THSD7B: variants seen among roughly 807,000 people sequenced by gnomAD.
THSD7B encodes thrombospondin type 1 domain containing 7B, also known as thrombospondin type-1 domain-containing protein 7B.
In THSD7B, 138 loss-of-function variants were observed where a neutral mutation model predicts 213.6. That is an observed-to-expected ratio of 0.65 (90% CI 0.56 to 0.74). The LOEUF (loss-of-function observed/expected upper bound fraction) is 0.74, where lower values mean the gene tolerates loss of function less well. THSD7B is among the 30% of genes least tolerant of loss of function. The pLI, the probability that THSD7B is intolerant of heterozygous loss-of-function variation, is 0.00. For missense variants in THSD7B, 1,931 were observed against 1,991.5 expected, an observed-to-expected ratio of 0.97 and a Z score of 0.58; for synonymous variants, 742 against 687.0, an observed-to-expected ratio of 1.08 and a Z score of -1.25.
intron 15 of THSD7B, among the ~76,000 whole-genome samples, chr2:137,455,675 T>C (rs562122818): frequency 2.4e-4 from 36 of 152,348 alleles, no homozygotes; most frequent in African/African-American, 8.7e-4. Context: ...AAAGCTCTTA[T>C]CAAGGCATAA....
At chr2:136,766,523 T>C (rs1189878476) in intron 1 of THSD7B, among the ~76,000 whole-genome samples, 1 of 145,952 alleles carries the variant, frequency 6.9e-6, no homozygotes, top group Non-Finnish European at 1.6e-5. Context: ...TGAACCCCGC[T>C]CTTTGGTGAC....
chr2:136,782,305 C>T (rs905864417), intron 1 of THSD7B, among the ~76,000 whole-genome samples: 1 of 152,144 alleles, frequency 6.6e-6, no homozygotes, highest in Admixed American at 6.5e-5. Context: ...GGTTCTAGGT[C>T]TCTCTTGGTG....
In THSD7B at chr2:136,807,508, C is replaced by CTTTTTTTTTT. The variant is rs1314267493; in HGVS notation, c.-36+41821_-36+41822insTTTTTTTTTT. ...TACTTCCTAGCACTACAAAATGTTTCGTTTTTTTTTTTTTTTTGAGACGGA... is the reference window on the plus strand; with the variant it reads ...TACTTCCTAGCACTACAAAATGTTTCTTTTTTTTTTGTTTTTTTTTTTTTTTTGAGACGGA... On this transcript the variant is annotated intron_variant, in intron 1 of 27. Transcript: ENST00000409968. Among the ~76,000 whole-genome samples, 79 of 49,546 alleles carry CTTTTTTTTTT rather than the reference C, an allele frequency of 1.6e-3. 3 individuals carry two copies. Among genetic ancestry groups the CTTTTTTTTTT allele is most frequent in the African/African-American group, 3.7e-3 (44 of 11,886 alleles). 32.5% of individuals were successfully genotyped at this position (49,546 alleles called of 152,430 possible). A position where few individuals can be genotyped will look rare whatever the true frequency, so the allele number is the denominator to read the frequency against.
intron 20 of THSD7B, among the ~76,000 whole-genome samples, chr2:137,636,026 A>AT (rs1270349363): frequency 1.3e-5 from 2 of 152,036 alleles, no homozygotes; most frequent in Admixed American, 6.5e-5. Context: ...TTTATACAGT[A>AT]TTTTTTATTT....
At chr2:137,511,374 T>C (rs959663652) in intron 15 of THSD7B, among the ~76,000 whole-genome samples, 1 of 152,218 alleles carries the variant, frequency 6.6e-6, no homozygotes, top group African/African-American at 2.4e-5. Context: ...AGTAATTTTG[T>C]GAGAAACTAG....
At chr2:137,296,960 A>G (rs1014204290) in intron 12 of THSD7B, among the ~76,000 whole-genome samples, 3 of 152,012 alleles carry the variant, frequency 2.0e-5, no homozygotes, top group Non-Finnish European at 4.4e-5. Context: ...AAGAGATTCA[A>G]ATATGTGGTT....
In THSD7B at chr2:136,873,910, C is replaced by T. The variant is rs374424705; in HGVS notation, c.-35-8234C>T. ...ATGATGTAAACAGAATGGGTTGTGG[C>T]GTCAGGACTGTTTTGTGACCCAGCT... On this transcript the variant is annotated intron_variant, in intron 1 of 27. Coordinates refer to ENST00000409968, the MANE Select transcript of THSD7B (RefSeq NM_001316349.2). Among the ~76,000 whole-genome samples the T allele has an allele frequency of 6.1e-3, 925 of 152,196 alleles. 2 individuals are homozygous for T. Among genetic ancestry groups the T allele is most frequent in the Non-Finnish European group, 0.01 (709 of 68,026 alleles).
chr2:137,159,610 GCT>G (rs1679975619), intron 5 of THSD7B, among the ~76,000 whole-genome samples: 1 of 152,144 alleles, frequency 6.6e-6, no homozygotes, highest in Non-Finnish European at 1.5e-5. Flanking sequence ...AGAGACAGAA[GCT>G]ACTAGTCATT....
intron 2 of THSD7B, among the ~76,000 whole-genome samples, chr2:136,975,612 G>C (rs1685468296): frequency 6.6e-6 from 1 of 152,140 alleles, no homozygotes; most frequent in South Asian, 2.1e-4. Flanking sequence ...TTTGAAGTCA[G>C]GTAGTTTGAT....
intron 19 of THSD7B, among the ~76,000 whole-genome samples, chr2:137,620,100 C>T (rs1682489150): frequency 2.0e-5 from 3 of 152,186 alleles, no homozygotes; most frequent in African/African-American, 4.8e-5. Context: ...AAAAAATAAA[C>T]GGTATCATCA....
intron 5 of THSD7B, among the ~76,000 whole-genome samples, chr2:137,136,118 CAG>C (rs1342521453): frequency 2.0e-5 from 3 of 152,008 alleles, no homozygotes; most frequent in South Asian, 2.1e-4. Context: ...CACATGGACA[CAG>C]GGGAACATCA....
chr2:136,925,445 C>T (rs1250238302), intron 2 of THSD7B, among the ~76,000 whole-genome samples: 1 of 151,956 alleles, frequency 6.6e-6, no homozygotes, highest in African/African-American at 2.4e-5. Flanking sequence ...AATTTTTGTC[C>T]TTCATTTTGT....
chr2:137,575,742 A>ATATATATATATATATATAAATATATATT (rs1235744133), intron 17 of THSD7B, among the ~76,000 whole-genome samples: 1 of 147,328 alleles, frequency 6.8e-6, no homozygotes, highest in South Asian at 2.2e-4. Flanking sequence ...ATATATATAT[A>ATATATATATATATATATAAATATATATT]TTTTTACTTT....
intron 2 of THSD7B, among the ~76,000 whole-genome samples, chr2:136,888,592 G>A (rs570547298): frequency 6.6e-6 from 1 of 152,028 alleles, no homozygotes; most frequent in South Asian, 2.1e-4. Flanking sequence ...ATGGATATTG[G>A]TTTATCTAAG....
chr2:137,427,341 C>T (rs747435458), intron 14 of THSD7B, among the ~76,000 whole-genome samples: 32 of 152,032 alleles, frequency 2.1e-4, no homozygotes, highest in African/African-American at 6.8e-4. Flanking sequence ...CTCAAAGAGA[C>T]GTCTGCACTC....
At chr2:137,287,666 C>A (rs936183750) in intron 12 of THSD7B, among the ~76,000 whole-genome samples, 28 of 152,264 alleles carry the variant, frequency 1.8e-4, no homozygotes, top group African/African-American at 6.7e-4. Flanking sequence ...CCATTTTTAA[C>A]ATAATAAGCT....
At chr2:136,770,707 G>A (rs1177383502) in intron 1 of THSD7B, among the ~76,000 whole-genome samples, 1 of 152,096 alleles carries the variant, frequency 6.6e-6, no homozygotes, top group African/African-American at 2.4e-5. Context: ...ATTATCCCTT[G>A]ATATTTGTAC....
chr2:137,014,780 A>C (rs547283483), intron 2 of THSD7B, among the ~76,000 whole-genome samples: 4 of 152,146 alleles, frequency 2.6e-5, no homozygotes, highest in Non-Finnish European at 1.5e-5. Flanking sequence ...CTCACACCGC[A>C]TCTCAGTCAC....
chr2:137,332,519 T>C (rs1684536864), intron 12 of THSD7B, among the ~76,000 whole-genome samples: 1 of 152,198 alleles, frequency 6.6e-6, no homozygotes, highest in Non-Finnish European at 1.5e-5. Context: ...ACTTTTGGTT[T>C]AATGCTGGAA....
Sources: allele counts gnomAD v4.1 joint callset (sites outside exome capture counted in the v4.1 genomes callset), GRCh38; gene constraint gnomAD v4.1.1; transcripts MANE v1.5; gene names NCBI Gene and HGNC (gene_info 2026-07-23, HGNC 2026-07-21).